AFAP1: variants seen among roughly 807,000 people sequenced by gnomAD.
The protein encoded by AFAP1 is actin filament-associated protein 1.
Under a neutral mutation model 93.9 loss-of-function variants are expected in AFAP1, and 75 were observed. The observed-to-expected ratio is 0.80, with a 90% CI of 0.66 to 0.97. The LOEUF is 0.97. Ranked by LOEUF, AFAP1 falls within the 50% of genes least tolerant of loss-of-function variation. AFAP1 has a pLI of 0.00. For missense variants in AFAP1, 1,201 were observed against 1,050.8 expected (o/e 1.14, Z -1.98); for synonymous variants, 517 against 430.7 (o/e 1.20, Z -2.48).
Position 7,763,174 on chromosome 4 carries a change from TAAA to T in AFAP1, c.*588_*590del, listed in dbSNP as rs1314825890. 6.6e-6 allele frequency: 1 copy of T among 152,628 alleles called. No homozygotes were observed. The highest frequency in any genetic ancestry group is 1.9e-4 in the East Asian group (1 of 5,196). The allele number at this position is 152,628 out of a possible 1,614,324, so 9.5% of individuals were successfully genotyped here. ...CTGTCCAAAAAATAATAATAAAAGG[TAAA>T]AAACGTTTCACAGCGCGATTTTCTC... On this transcript the variant is annotated 3_prime_UTR_variant, in exon 18 of 18. Transcript: ENST00000420658.
Position 7,781,538 on chromosome 4 carries a change from C to T in AFAP1, c.1620G>A (p.Leu540=). The change falls in exon 13 of 18, where the codon TTG becomes TTA. Residue 540 remains leucine, a synonymous_variant. Transcript: ENST00000420658. ...AGCGGGCAAAGATGTGCGGAGGCGGCAAGTTATCGTACAGGCCTGCGTTAT... is the reference window on the plus strand; with the variant it reads ...AGCGGGCAAAGATGTGCGGAGGCGGTAAGTTATCGTACAGGCCTGCGTTAT... ...LYDNAGLYDN[L]PPPHIFARYS... 6.4e-7 allele frequency: 1 copy of T among 1,552,082 alleles called. No individual in the cohort carries two copies. Among genetic ancestry groups the T allele is most frequent in the Non-Finnish European group, 8.7e-7 (1 of 1,147,088 alleles).
chr4:7,760,163 CTGGGGG>C lies in AFAP1; in HGVS notation c.*3596_*3601del, dbSNP rs1244005298. The C allele has an allele frequency of 6.6e-6, 1 of 152,232 alleles. No homozygotes were observed. Among genetic ancestry groups the C allele is most frequent in the African/African-American group, 2.4e-5 (1 of 41,470 alleles). 9.4% of individuals were successfully genotyped at this position (152,232 alleles called of 1,614,324 possible). A position where few individuals can be genotyped will look rare whatever the true frequency, so the allele number is the denominator to read the frequency against. On this transcript the variant is annotated 3_prime_UTR_variant, in exon 18 of 18. Transcript: ENST00000420658. ...ATGACAATGAACCTCAAACTCCTTC[CTGGGGG>C]TGGCCTCCAGAGCTGAGGCCACACT... is the stretch of plus-strand genomic sequence containing the variant.
intron 7 of AFAP1, among the ~76,000 whole-genome samples, chr4:7,816,698 G>A (rs1720510638): frequency 6.6e-6 from 1 of 152,172 alleles, no homozygotes. Flanking sequence ...TTTACAGCTA[G>A]ACCCCTTCCA....
rs144616510 is a variant in AFAP1 at position 7,858,942 on chromosome 4, G to A, written c.226-3368C>T. Among the ~76,000 whole-genome samples, 44 of 152,310 alleles carry A rather than the reference G, an allele frequency of 2.9e-4. No homozygotes were observed. The East Asian group carries it at 7.7e-3, about 27-fold the overall frequency. Reference sequence around the variant, plus strand: ...TCCTCCCAAAGGATAAAGGACGTGCGAATCTCTGGGCAGAGCAAGTCCCTC... The same window carrying A: ...TCCTCCCAAAGGATAAAGGACGTGCAAATCTCTGGGCAGAGCAAGTCCCTC... On this transcript the variant is annotated intron_variant, in intron 3 of 17. Transcript: ENST00000420658.
Position 7,823,697 on chromosome 4 carries a change from C to T in AFAP1, c.727-4526G>A, listed in dbSNP as rs529197856. Among the ~76,000 whole-genome samples, 3 of 152,304 alleles carry T rather than the reference C, an allele frequency of 2.0e-5. No homozygotes were observed. In the South Asian group the frequency reaches 6.2e-4, roughly 32 times the overall value. On this transcript the variant is annotated intron_variant, in intron 6 of 17. Transcript: ENST00000420658. ...TACACCCAACCATGTAATCTGAATG[C>T]TTAGAATGGGGAACACAGACAAGCC...
At chr4:7,931,600 C>T (rs189179516) in intron 1 of AFAP1, among the ~76,000 whole-genome samples, 12 of 148,774 alleles carry the variant, frequency 8.1e-5, no homozygotes, top group Non-Finnish European at 1.6e-4. Context: ...CTAGGATGGT[C>T]TTGAACTGCT....
At chr4:7,853,185 G>C (rs1714656108) in intron 4 of AFAP1, among the ~76,000 whole-genome samples, 1 of 151,640 alleles carries the variant, frequency 6.6e-6, no homozygotes, top group Non-Finnish European at 1.5e-5. Context: ...GGGTGGCCCT[G>C]AGAGAAATCT....
At chr4:7,919,493 T>C (rs1173960334) in intron 1 of AFAP1, among the ~76,000 whole-genome samples, 3 of 152,126 alleles carry the variant, frequency 2.0e-5, no homozygotes, top group Admixed American at 6.5e-5. Flanking sequence ...ATCTAAGAAA[T>C]GACATTTCTG....
chr4:7,894,392 G>A (rs1282369848), intron 1 of AFAP1, among the ~76,000 whole-genome samples: 2 of 152,234 alleles, frequency 1.3e-5, no homozygotes, highest in South Asian at 2.1e-4. Flanking sequence ...GACAAAACTC[G>A]AAAAAGGAAA....
intron 9 of AFAP1, among the ~76,000 whole-genome samples, chr4:7,803,304 T>C (rs546936370): frequency 1.3e-5 from 2 of 152,370 alleles, no homozygotes; most frequent in Non-Finnish European, 1.5e-5. Flanking sequence ...GCCCGTGCTC[T>C]GGAGTGGTCA....
At chr4:7,900,602 G>A (rs1161078508) in intron 1 of AFAP1, among the ~76,000 whole-genome samples, 1 of 152,134 alleles carries the variant, frequency 6.6e-6, no homozygotes, top group South Asian at 2.1e-4. Context: ...ACTCCAAGTA[G>A]GTTATAACCA....
At chr4:7,766,849 G>A (rs529022940) in intron 17 of AFAP1, among the ~76,000 whole-genome samples, 12 of 152,284 alleles carry the variant, frequency 7.9e-5, no homozygotes, top group African/African-American at 1.9e-4. Flanking sequence ...CCTGGGGCAC[G>A]GGATTGGAAG....
intron 6 of AFAP1, 34 bp from the exon 7 acceptor site, chr4:7,819,205 C>T (rs1228107659): frequency 1.9e-6 from 3 of 1,563,270 alleles, no homozygotes; most frequent in African/African-American, 2.7e-5. Context: ...TGAGTATGCC[C>T]AAAGGCAGAG....
At chr4:7,824,255 A>G (rs1425816118) in intron 6 of AFAP1, among the ~76,000 whole-genome samples, 1 of 152,194 alleles carries the variant, frequency 6.6e-6, no homozygotes, top group African/African-American at 2.4e-5. Flanking sequence ...AAAAAAACAA[A>G]TTGTTATATA....
chr4:7,818,128 G>A (rs1720646717), intron 7 of AFAP1, among the ~76,000 whole-genome samples: 1 of 152,092 alleles, frequency 6.6e-6, no homozygotes, highest in African/African-American at 2.4e-5. Context: ...TGTAATGTGG[G>A]TGGGCCTCCT....
intron 3 of AFAP1, among the ~76,000 whole-genome samples, chr4:7,858,308 C>A (rs943719091): frequency 7.2e-5 from 11 of 152,198 alleles, no homozygotes; most frequent in African/African-American, 2.7e-4. Context: ...GACTTTTCTG[C>A]ATAGTTGTCA....
At chr4:7,912,847 A>G (rs1577354385) in intron 1 of AFAP1, among the ~76,000 whole-genome samples, 1 of 152,146 alleles carries the variant, frequency 6.6e-6, no homozygotes, top group East Asian at 1.9e-4. Flanking sequence ...ATAATCAGGT[A>G]GACAGCAATT....
At chr4:7,775,907 G>A (rs1345337093) in intron 14 of AFAP1, 1 of 152,248 alleles carries the variant, frequency 6.6e-6, no homozygotes, top group Non-Finnish European at 1.5e-5. Flanking sequence ...GAAACTAGCT[G>A]TAGGGAAAAT....
intron 6 of AFAP1, 126 bp downstream of exon 6, chr4:7,838,398 C>CA: frequency 8.6e-7 from 1 of 1,158,838 alleles, no homozygotes; most frequent in Non-Finnish European, 1.2e-6. Flanking sequence ...CTATTAAAGA[C>CA]AAAACTCTTT....
Sources: gnomAD v4.1 joint callset for allele counts (sites outside exome capture counted in the v4.1 genomes callset) on GRCh38, gnomAD v4.1.1 for gene constraint, MANE v1.5 for transcripts, NCBI Gene and HGNC (gene_info 2026-07-23, HGNC 2026-07-21) for gene names.